Variants in SUCLG2 observed in about 807,000 individuals in gnomAD.
SUCLG2 encodes succinate-CoA ligase GDP-forming subunit beta.
In SUCLG2, 42 loss-of-function variants were observed where a neutral mutation model predicts 47.9. The ratio of observed to expected loss-of-function variants is 0.88; its 90% CI spans 0.69 to 1.14. The LOEUF is 1.14. Ranked by LOEUF, SUCLG2 falls within the 50% of genes most tolerant of loss-of-function variation. SUCLG2 has a pLI of 0.00. For missense variants in SUCLG2, 571 were observed against 525.9 expected (o/e 1.09, Z -0.84); for synonymous variants, 195 against 197.3 (o/e 0.99, Z 0.10).
intron 4 of SUCLG2, among the ~76,000 whole-genome samples, chr3:67,521,681 C>T (rs1706108673): frequency 1.3e-5 from 2 of 151,828 alleles, no homozygotes; most frequent in Admixed American, 6.6e-5. Context: ...CAGCTCCCTA[C>T]AACCTCTGCC....
chr3:67,400,007 T>C (rs1169776630), intron 10 of SUCLG2, among the ~76,000 whole-genome samples: 1 of 151,838 alleles, frequency 6.6e-6, no homozygotes, highest in Non-Finnish European at 1.5e-5. Context: ...AAACAAACCC[T>C]GTCTCAAAAC....
At chr3:67,615,252 G>GA (rs11382364) in intron 1 of SUCLG2, among the ~76,000 whole-genome samples, 61,397 of 146,836 alleles carry the variant, frequency 0.42, 12,875 homozygotes, top group African/African-American at 0.49. Flanking sequence ...CAGCTACACA[G>GA]AAAAAAAAAA....
intron 1 of SUCLG2, among the ~76,000 whole-genome samples, chr3:67,642,949 TGTGA>T (rs879401742): frequency 2.5e-3 from 375 of 150,940 alleles, no homozygotes; most frequent in Admixed American, 5.1e-3. Flanking sequence ...TGTGTGTGTG[TGTGA>T]GAGAGATGGC....
chr3:67,447,383 T>C (rs1418450774), intron 9 of SUCLG2, among the ~76,000 whole-genome samples: 3 of 152,222 alleles, frequency 2.0e-5, no homozygotes, highest in Non-Finnish European at 4.4e-5. Context: ...GTTTTTTTCC[T>C]ACCATCTTTT....
intron 10 of SUCLG2, among the ~76,000 whole-genome samples, chr3:67,366,759 T>C (rs973390810): frequency 1.3e-5 from 2 of 152,110 alleles, no homozygotes; most frequent in Admixed American, 1.3e-4. Flanking sequence ...GGAAGAACTG[T>C]TAGCTGCCTG....
At chr3:67,444,838 G>A (rs1290399778) in intron 9 of SUCLG2, among the ~76,000 whole-genome samples, 1 of 8,468 alleles carries the variant, frequency 1.2e-4, no homozygotes. Flanking sequence ...TCCCCCGCCC[G>A]GCCAGCCGCC....
intron 9 of SUCLG2, among the ~76,000 whole-genome samples, chr3:67,437,680 G>T (rs964845651): frequency 5.9e-5 from 9 of 151,872 alleles, no homozygotes; most frequent in Non-Finnish European, 1.2e-4. Flanking sequence ...ATGATATGTG[G>T]CAGTTTATAA....
intron 2 of SUCLG2, among the ~76,000 whole-genome samples, chr3:67,570,633 T>C (rs777982985): frequency 2.2e-4 from 34 of 152,320 alleles, no homozygotes; most frequent in African/African-American, 7.9e-4. Context: ...CATGCCTATA[T>C]AGTGAAGCTC....
chr3:67,646,546 G>T (rs1575841795), intron 1 of SUCLG2, among the ~76,000 whole-genome samples: 1 of 151,884 alleles, frequency 6.6e-6, no homozygotes, highest in East Asian at 1.9e-4. Context: ...AGTGAGCCAA[G>T]ATCTCACCAC....
At chr3:67,552,075 C>A (rs1707028332) in intron 2 of SUCLG2, among the ~76,000 whole-genome samples, 1 of 149,228 alleles carries the variant, frequency 6.7e-6, no homozygotes, top group Admixed American at 6.8e-5. Context: ...CAAATATGAC[C>A]AGAACTCCTG....
At chr3:67,592,729 A>C (rs978285373) in intron 2 of SUCLG2, among the ~76,000 whole-genome samples, 1 of 124,400 alleles carries the variant, frequency 8.0e-6, no homozygotes. Context: ...AAAAAAAAAA[A>C]AAAAAAACAA....
intron 2 of SUCLG2, among the ~76,000 whole-genome samples, chr3:67,599,926 C>T (rs557072348): frequency 1.3e-5 from 2 of 152,220 alleles, no homozygotes; most frequent in East Asian, 1.9e-4. Context: ...CTTTTTTGTC[C>T]GTAACCTAGA....
At chr3:67,591,570 T>G (rs993578248) in intron 2 of SUCLG2, among the ~76,000 whole-genome samples, 1 of 152,106 alleles carries the variant, frequency 6.6e-6, no homozygotes, top group African/African-American at 2.4e-5. Flanking sequence ...TATCAGGGGG[T>G]TCTGCTTTTG....
At chr3:67,457,685 T>A (rs1704219165) in intron 9 of SUCLG2, among the ~76,000 whole-genome samples, 1 of 47,712 alleles carries the variant, frequency 2.1e-5, no homozygotes, top group South Asian at 6.4e-4. Context: ...CAAAAGCAGC[T>A]TTTTTTTTTT....
At chr3:67,451,869 T>C (rs936442527) in intron 9 of SUCLG2, among the ~76,000 whole-genome samples, 4 of 152,148 alleles carry the variant, frequency 2.6e-5, no homozygotes, top group African/African-American at 7.2e-5. Flanking sequence ...ACCTGATGTG[T>C]AGTGTTTGCC....
At chr3:67,628,356 G>A (rs756302075) in intron 1 of SUCLG2, among the ~76,000 whole-genome samples, 12 of 152,180 alleles carry the variant, frequency 7.9e-5, no homozygotes, top group Non-Finnish European at 1.8e-4. Context: ...GATGGTCAAA[G>A]GTAGATTTAC....
chr3:67,588,559 A>G (rs915784910), intron 2 of SUCLG2, among the ~76,000 whole-genome samples: 1 of 152,212 alleles, frequency 6.6e-6, no homozygotes, highest in African/African-American at 2.4e-5. Flanking sequence ...CATTACTTAC[A>G]TTACTATAAA....
chr3:67,606,676 A>G (rs920161054), intron 2 of SUCLG2, among the ~76,000 whole-genome samples: 1 of 152,218 alleles, frequency 6.6e-6, no homozygotes, highest in African/African-American at 2.4e-5. Flanking sequence ...TTTCACAGTA[A>G]AAACCAATCT....
Position 67,613,507 on chromosome 3 carries a change from A to G in SUCLG2, c.85-3911T>C, listed in dbSNP as rs376076869. Among the ~76,000 whole-genome samples, 7 of 152,252 alleles carry G rather than the reference A, an allele frequency of 4.6e-5. No homozygotes were observed. In the South Asian group the frequency reaches 1.5e-3, roughly 32 times the overall value. ...GTTTAATTGCCATCCCTCCTACCCC[A>G]TCGAAGTTTGCCCTCTCTAGATATG... On this transcript the variant is annotated intron_variant, in intron 1 of 10. Coordinates refer to ENST00000307227, the MANE Select transcript of SUCLG2 (RefSeq NM_003848.4).
Sources: gnomAD v4.1 joint callset for allele counts (sites outside exome capture counted in the v4.1 genomes callset) on GRCh38, gnomAD v4.1.1 for gene constraint, MANE v1.5 for transcripts, NCBI Gene and HGNC (gene_info 2026-07-23, HGNC 2026-07-21) for gene names.